Variants in TFCP2L1 observed in about 807,000 individuals in gnomAD.
TFCP2L1 encodes transcription factor CP2 like 1, also known as transcription factor CP2-like protein 1.
Under a neutral mutation model 72.2 loss-of-function variants are expected in TFCP2L1, and 12 were observed. That is an observed-to-expected ratio of 0.17 (90% CI 0.11 to 0.27). TFCP2L1 has a LOEUF of 0.27. Among genes scored for constraint, TFCP2L1 ranks in the 10% least tolerant of loss-of-function variants. The pLI is 1.00. For missense variants in TFCP2L1, 488 were observed against 624.6 expected (o/e 0.78, Z 2.33); for synonymous variants, 260 against 251.0 (o/e 1.04, Z -0.34).
chr2:121,260,102 T>C (rs1686802702), intron 2 of TFCP2L1, among the ~76,000 whole-genome samples: 1 of 152,072 alleles, frequency 6.6e-6, no homozygotes, highest in Admixed American at 6.6e-5. Context: ...AGGGTCTCAT[T>C]GAGAGATCAC....
At chr2:121,250,886 T>A (rs1686597660) in intron 2 of TFCP2L1, among the ~76,000 whole-genome samples, 1 of 151,778 alleles carries the variant, frequency 6.6e-6, no homozygotes, top group Admixed American at 6.6e-5. Flanking sequence ...ATTACAGGCG[T>A]GAGCCACCAT....
intron 7 of TFCP2L1, chr2:121,240,499 G>C (rs1401159046): frequency 1.0e-6 from 1 of 985,266 alleles, no homozygotes; most frequent in Non-Finnish European, 1.2e-6. Context: ...GTGTGGGCTC[G>C]AATTTGTTGG....
chr2:121,284,425 C>T (rs1476373790), intron 1 of TFCP2L1, among the ~76,000 whole-genome samples: 1 of 152,236 alleles, frequency 6.6e-6, no homozygotes, highest in African/African-American at 2.4e-5. Flanking sequence ...GACTTACTTT[C>T]CCCTCTGAAG....
intron 2 of TFCP2L1, among the ~76,000 whole-genome samples, chr2:121,256,787 A>T (rs1025898796): frequency 6.6e-6 from 1 of 151,536 alleles, no homozygotes; most frequent in Non-Finnish European, 1.5e-5. Flanking sequence ...AAAAACAAAA[A>T]CAAACAAAAA....
rs150523098 is a variant in TFCP2L1 at position 121,264,839 on chromosome 2, C to T, written c.215-15192G>A. Among the ~76,000 whole-genome samples, 195 of 152,294 alleles carry T rather than the reference C, an allele frequency of 1.3e-3. 1 individual carries two copies. The highest frequency in any genetic ancestry group is 6.8e-3 in the Middle Eastern group (2 of 294). On this transcript the variant is annotated intron_variant, in intron 2 of 14. Transcript: ENST00000263707. ...ACAGACACTAAACAATAAATAACAACAAATAACAAGTGCTGGCCGGGGAGA... is the reference window on the plus strand; with the variant it reads ...ACAGACACTAAACAATAAATAACAATAAATAACAAGTGCTGGCCGGGGAGA...
At chr2:121,282,362 G>A (rs1298962509) in intron 1 of TFCP2L1, among the ~76,000 whole-genome samples, 1 of 140,130 alleles carries the variant, frequency 7.1e-6, no homozygotes, top group East Asian at 2.1e-4. Context: ...ATCATCCTGC[G>A]ACTTAGGGAG....
chr2:121,257,999 G>C (rs890567615), intron 2 of TFCP2L1, among the ~76,000 whole-genome samples: 1 of 152,144 alleles, frequency 6.6e-6, no homozygotes, highest in African/African-American at 2.4e-5. Context: ...ATACTGGTAT[G>C]TCGTCGGTTT....
chr2:121,224,025 A>G lies in TFCP2L1; in HGVS notation c.*316T>C. 1 of 390,518 alleles carries G rather than the reference A, an allele frequency of 2.6e-6. No homozygotes were observed. The highest frequency in any genetic ancestry group is 3.6e-5 in the South Asian group (1 of 27,870). The allele number at this position is 390,518 out of a possible 1,614,324, so 24.2% of individuals were successfully genotyped here. ...TACCCAATCAGCTTCCAACTAAGGG[A>G]TGAGGGATTTCAGAGCAGACGTCTC... On this transcript the variant is annotated 3_prime_UTR_variant, in exon 15 of 15. Coordinates refer to ENST00000263707, the MANE Select transcript of TFCP2L1 (RefSeq NM_014553.3).
intron 6 of TFCP2L1, among the ~76,000 whole-genome samples, chr2:121,246,595 C>T (rs987453927): frequency 3.9e-5 from 6 of 152,218 alleles, no homozygotes; most frequent in African/African-American, 1.2e-4. Context: ...AGAAGCTGAG[C>T]GGGTGCCGCA....
At chr2:121,244,426 C>T (rs1686440681) in intron 6 of TFCP2L1, among the ~76,000 whole-genome samples, 1 of 152,328 alleles carries the variant, frequency 6.6e-6, no homozygotes, top group East Asian at 1.9e-4. Context: ...TGAGTGGGGG[C>T]AGGCAGGTGG....
chr2:121,234,694 A>G (rs902193605), intron 11 of TFCP2L1, among the ~76,000 whole-genome samples: 8 of 152,244 alleles, frequency 5.3e-5, no homozygotes, highest in Non-Finnish European at 2.9e-5. Flanking sequence ...CTAAAGTTAA[A>G]TAAAAATTTC....
intron 2 of TFCP2L1, among the ~76,000 whole-genome samples, chr2:121,262,004 T>C (rs76756726): frequency 0.036 from 5,470 of 152,120 alleles, 153 homozygotes; most frequent in East Asian, 0.14. Flanking sequence ...CAGACTCAAA[T>C]TGAGGAGCAT....
At chr2:121,232,013 G>T (rs1686153622) in intron 12 of TFCP2L1, 45 bp from the exon 13 acceptor site, 1 of 1,542,682 alleles carries the variant, frequency 6.5e-7, no homozygotes, top group Non-Finnish European at 8.8e-7. Context: ...TGGCCATTCT[G>T]TCAGTGTGAG....
At position 121,239,681 on chromosome 2, in the gene TFCP2L1, C is replaced by A. The variant is rs760779568; in HGVS notation, c.769-32G>T. On this transcript the variant is annotated intron_variant, in intron 7 of 14. Transcript: ENST00000263707. ...GAGAGAGCACAGGGCGAGCTGGGAT[C>A]TGGAGAGGCGCTGAGCCGTGCTCCC... is the stretch of plus-strand genomic sequence containing the variant. 1.7e-5 allele frequency: 27 copies of A among 1,602,432 alleles called. No homozygotes were observed. In the Admixed American group the frequency reaches 4.6e-4, roughly 27 times the overall value.
intron 13 of TFCP2L1, among the ~76,000 whole-genome samples, chr2:121,230,672 C>A (rs1364051796): frequency 6.6e-6 from 1 of 151,930 alleles, no homozygotes; most frequent in African/African-American, 2.4e-5. Context: ...ACTTAGGAGC[C>A]TGAGGTGGGA....
At chr2:121,243,795 T>A (rs1293726517) in intron 6 of TFCP2L1, among the ~76,000 whole-genome samples, 1 of 151,994 alleles carries the variant, frequency 6.6e-6, no homozygotes, top group Non-Finnish European at 1.5e-5. Flanking sequence ...TGACTCTGCA[T>A]TATGATGAGT....
chr2:121,261,195 T>C (rs1328966304), intron 2 of TFCP2L1, among the ~76,000 whole-genome samples: 1 of 152,238 alleles, frequency 6.6e-6, no homozygotes, highest in Non-Finnish European at 1.5e-5. Context: ...GACTATCACC[T>C]GCATGACCTT....
chr2:121,249,641 G>C lies in TFCP2L1; in HGVS notation c.221C>G (p.Ser74Cys). 3 of 1,614,200 alleles carry C rather than the reference G, an allele frequency of 1.9e-6. No homozygotes were observed. Among genetic ancestry groups the C allele is most frequent in the Non-Finnish European group, 2.5e-6 (3 of 1,180,014 alleles). Residue 74 changes from serine to cysteine, a missense_variant, in exon 3 of 15, where the codon TCT (serine) becomes TGT (cysteine). This residue lies in a region of TFCP2L1 where 129 missense variants were observed against 236.0 expected (regional missense o/e 0.55). Coordinates refer to ENST00000263707, the MANE Select transcript of TFCP2L1 (RefSeq NM_014553.3). ...ATTCTCCAGTAGTCGGATTTCATAAGACTGACCTGGATGGGGGTTAAAAGG... is the reference window on the plus strand; with the variant it reads ...ATTCTCCAGTAGTCGGATTTCATAACACTGACCTGGATGGGGGTTAAAAGG... ...ETLTYLNQGQ[S>C]YEIRLLENRK...
At chr2:121,270,564 G>A (rs1406684900) in intron 2 of TFCP2L1, among the ~76,000 whole-genome samples, 1 of 152,094 alleles carries the variant, frequency 6.6e-6, no homozygotes, top group African/African-American at 2.4e-5. Context: ...TGAAAACAAT[G>A]GAAACAAGCC....
Sources: gnomAD v4.1 joint callset for allele counts (sites outside exome capture counted in the v4.1 genomes callset) on GRCh38, gnomAD v4.1.1 for gene constraint, gnomAD v4.1.1 regional missense constraint, MANE v1.5 for transcripts, NCBI Gene and HGNC (gene_info 2026-07-23, HGNC 2026-07-21) for gene names.